The following ABLIM1 variants were observed in gnomAD, a reference collection of about 807,000 sequenced individuals.
ABLIM1 encodes the protein actin binding LIM protein 1, also known as actin-binding LIM protein 1.
ABLIM1 carries 40 observed loss-of-function variants against 107.0 expected under a neutral mutation model. The observed-to-expected ratio is 0.37, with a 90% CI of 0.29 to 0.49. The LOEUF (loss-of-function observed/expected upper bound fraction) is 0.49, where lower values mean the gene tolerates loss of function less well. ABLIM1 is among the 20% of genes least tolerant of loss of function. ABLIM1 has a pLI of 0.97. For synonymous variants in ABLIM1, 357 were observed against 357.3 expected, an observed-to-expected ratio of 1.00 and a Z score of 0.01; for missense variants, 857 against 1,008.5, an observed-to-expected ratio of 0.85 and a Z score of 2.04.
intron 1 of ABLIM1, among the ~76,000 whole-genome samples, chr10:114,722,223 T>TGGGGGG (rs1194275429): frequency 6.6e-6 from 1 of 152,180 alleles, no homozygotes; most frequent in Non-Finnish European, 1.5e-5. Context: ...GAAGCATGGC[T>TGGGGGG]GGGGAGGCCT....
intron 7 of ABLIM1, among the ~76,000 whole-genome samples, chr10:114,488,332 C>T (rs2058474396): frequency 6.6e-6 from 1 of 151,954 alleles, no homozygotes; most frequent in Admixed American, 6.6e-5. Flanking sequence ...TTATTATCAT[C>T]CTTTAAAAGG....
chr10:114,782,331 C>T, the ABLIM1 span, among the ~76,000 whole-genome samples: 3 of 151,960 alleles, frequency 2.0e-5, no homozygotes, highest in African/African-American at 7.3e-5. Flanking sequence ...AAACAAGGGG[C>T]TGGAATAAAG....
chr10:114,660,593 G>C (rs1050287930), upstream of ABLIM1, among the ~76,000 whole-genome samples: 4 of 152,114 alleles, frequency 2.6e-5, no homozygotes, highest in Admixed American at 6.6e-5. Context: ...AGCCCTACCA[G>C]GTTCTTCTAG....
intron 4 of ABLIM1, among the ~76,000 whole-genome samples, chr10:114,569,506 G>A (rs1237019941): frequency 2.0e-5 from 3 of 151,980 alleles, no homozygotes; most frequent in Admixed American, 6.5e-5. Context: ...TTTTAGTAGC[G>A]ATGGGGTTTC....
At chr10:114,783,777 C>T in the ABLIM1 span, among the ~76,000 whole-genome samples, 5 of 151,904 alleles carry the variant, frequency 3.3e-5, no homozygotes, top group Non-Finnish European at 7.4e-5. Flanking sequence ...AATACTGTCA[C>T]TGTGGCTAAT....
intron 4 of ABLIM1, among the ~76,000 whole-genome samples, chr10:114,558,711 T>C (rs1018745859): frequency 1.1e-4 from 16 of 152,254 alleles, no homozygotes; most frequent in Admixed American, 7.9e-4. Context: ...CAGTGTCTAC[T>C]GCCTTGGATA....
At chr10:114,541,197 C>A (rs1251400059) in intron 6 of ABLIM1, among the ~76,000 whole-genome samples, 1 of 152,092 alleles carries the variant, frequency 6.6e-6, no homozygotes, top group Non-Finnish European at 1.5e-5. Context: ...TCAGAGACAG[C>A]ATTGCCTTGC....
chr10:114,664,911 A>G (rs11196848), intron 1 of ABLIM1, among the ~76,000 whole-genome samples: 86,397 of 150,566 alleles, frequency 0.57, 25,227 homozygotes, highest in Middle Eastern at 0.6. Flanking sequence ...GAGGTCAGGA[A>G]ATCCAGACCA....
chr10:114,647,300 A>G (rs2079054407), intron 1 of ABLIM1, among the ~76,000 whole-genome samples: 1 of 145,640 alleles, frequency 6.9e-6, no homozygotes, highest in Non-Finnish European at 1.5e-5. Flanking sequence ...TGCCCAGCCT[A>G]GGCAGTTATT....
intron 6 of ABLIM1, among the ~76,000 whole-genome samples, chr10:114,523,188 G>T (rs111302837): frequency 0.03 from 4,526 of 152,164 alleles, 76 homozygotes; most frequent in Non-Finnish European, 0.039. Context: ...ATGGAGCTGG[G>T]GTTGGTTTGT....
intron 1 of ABLIM1, among the ~76,000 whole-genome samples, chr10:114,740,015 C>A (rs113205824): frequency 6.6e-6 from 1 of 151,988 alleles, no homozygotes; most frequent in African/African-American, 2.4e-5. Context: ...TCTTAAATAA[C>A]AGCAAACCTG....
intron 11 of ABLIM1, among the ~76,000 whole-genome samples, chr10:114,466,202 G>C (rs1414956962): frequency 6.6e-6 from 1 of 152,030 alleles, no homozygotes; most frequent in Non-Finnish European, 1.5e-5. Context: ...ATTAGCCAGG[G>C]ATGATGGCAC....
intron 13 of ABLIM1, among the ~76,000 whole-genome samples, chr10:114,452,133 A>G (rs1285400224): frequency 6.6e-6 from 1 of 152,220 alleles, no homozygotes; most frequent in Non-Finnish European, 1.5e-5. Flanking sequence ...TAGAAAAATC[A>G]AAAGTTTTTT....
Position 114,716,413 on chromosome 10 carries a change from AC to A in ABLIM1, c.-213+51647del, listed in dbSNP as rs1566267442. Among the ~76,000 whole-genome samples, 1,129 of 140,830 alleles carry A rather than the reference AC, an allele frequency of 8.0e-3. 20 individuals carry two copies. Among genetic ancestry groups the A allele is most frequent in the African/African-American group, 0.027 (1,087 of 40,066 alleles). The allele number at this position is 140,830 out of a possible 152,430, so 92.4% of individuals were successfully genotyped here. ...TGTTCTCAAATTGGTAGAGAGAAAC[AC>A]ACACACACACACACACACACACACA... is the stretch of plus-strand genomic sequence containing the variant. On this transcript the variant is annotated intron_variant, in intron 1 of 15. Coordinates refer to the ABLIM1 transcript ENST00000651092.
chr10:114,589,129 A>T (rs1455137383), intron 2 of ABLIM1, among the ~76,000 whole-genome samples: 1 of 152,056 alleles, frequency 6.6e-6, no homozygotes, highest in African/African-American at 2.4e-5. Context: ...TTAAAGATAG[A>T]GAAAAGCTTA....
At chr10:114,497,259 C>T (rs2059787847) in intron 6 of ABLIM1, among the ~76,000 whole-genome samples, 1 of 152,236 alleles carries the variant, frequency 6.6e-6, no homozygotes. Flanking sequence ...TACCTGGCCC[C>T]AGGCACATAA....
Position 114,434,762 on chromosome 10 carries a change from C to G in ABLIM1, c.*1498G>C, listed in dbSNP as rs548139174. On this transcript the variant is annotated 3_prime_UTR_variant, in exon 23 of 23. Coordinates refer to ENST00000533213, the MANE Select transcript of ABLIM1 (RefSeq NM_002313.7). ...GAATCATGATGTGGTTTCATATGCA[C>G]GCACGTGTTGGGGAAACCCTAGGCT... 9.9e-5 allele frequency: 15 copies of G among 152,236 alleles called. No individual in the cohort carries two copies. Among genetic ancestry groups the G allele is most frequent in the Admixed American group, 5.9e-4 (9 of 15,288 alleles). The allele number at this position is 152,236 out of a possible 1,614,324, so 9.4% of individuals were successfully genotyped here. A position where few individuals can be genotyped will look rare whatever the true frequency, so the allele number is the denominator to read the frequency against.
At position 114,707,769 on chromosome 10, in the gene ABLIM1, C is replaced by T. The variant is rs891594482; in HGVS notation, c.-213+60292G>A. Among the ~76,000 whole-genome samples the T allele has an allele frequency of 3.9e-5, 6 of 151,924 alleles. No individual in the cohort carries two copies. Among genetic ancestry groups the T allele is most frequent in the Non-Finnish European group, 8.8e-5 (6 of 68,000 alleles). ...TACAAAAATTAGCCAGGCGTGGTGG[C>T]GGGTGCCTGTCATCCCAGCTACTCG... On this transcript the variant is annotated intron_variant, in intron 1 of 15. Coordinates refer to the ABLIM1 transcript ENST00000651092. The surrounding 1 kb of genome is among the most constrained non-coding windows in gnomAD (Gnocchi z 4.1).
At chr10:114,666,187 A>G (rs2080018472) in intron 1 of ABLIM1, among the ~76,000 whole-genome samples, 1 of 152,186 alleles carries the variant, frequency 6.6e-6, no homozygotes, top group Non-Finnish European at 1.5e-5. Context: ...GGCTGCCAAG[A>G]CAGGGTATGC....
Sources: allele counts gnomAD v4.1 joint callset (sites outside exome capture counted in the v4.1 genomes callset), GRCh38; gene constraint gnomAD v4.1.1; non-coding constraint Gnocchi (gnomAD v3.1); transcripts MANE v1.5; gene names NCBI Gene and HGNC (gene_info 2026-07-23, HGNC 2026-07-21).